The following TMPRSS9 variants were observed in gnomAD, a reference collection of about 807,000 sequenced individuals.
TMPRSS9 encodes the protein transmembrane serine protease 9.
Under a neutral mutation model 111.4 loss-of-function variants are expected in TMPRSS9, and 113 were observed. The observed-to-expected ratio is 1.01, with a 90% CI of 0.87 to 1.19. The LOEUF is 1.19. TMPRSS9 is among the 50% of genes most tolerant of loss of function. The probability of loss-of-function intolerance (pLI) is 0.00; values close to 1 mark genes in which losing one functional copy is unlikely to be tolerated. For missense variants in TMPRSS9, 1,803 were observed against 1,513.1 expected (o/e 1.19, Z -3.18); for synonymous variants, 805 against 659.1 (o/e 1.22, Z -3.39).
intron 14 of TMPRSS9, among the ~76,000 whole-genome samples, 154 bp from the exon 16 acceptor site, chr19:2,423,935 T>C (rs1216852856): frequency 6.6e-6 from 1 of 152,176 alleles, no homozygotes; most frequent in South Asian, 2.1e-4. Flanking sequence ...GCAGGCCCAG[T>C]GTCCTTTCCT....
chr19:2,426,194 G>A (rs997900512), exon 18 of TMPRSS9: 5 of 1,407,028 alleles, frequency 3.6e-6, no homozygotes, highest in Non-Finnish European at 4.8e-6. Flanking sequence ...GGTGTGGGGG[G>A]GCTGTGGGTC....
exon 2 of TMPRSS9, chr19:2,396,608 G>A: frequency 6.2e-7 from 1 of 1,607,122 alleles, no homozygotes. Context: ...TGGACCAGCA[G>A]TTTGCGGCGG....
chr19:2,373,564 C>T lies in TMPRSS9; in HGVS notation c.-26+13204C>T, dbSNP rs143418818. 8.0e-3 allele frequency among the ~76,000 whole-genome samples: 1,202 copies of T among 150,138 alleles called. 4 individuals carry two copies. Among genetic ancestry groups the T allele is most frequent in the African/African-American group, 0.029 (1,140 of 39,762 alleles). On this transcript the variant is annotated intron_variant, in intron 1 of 17. Coordinates refer to the TMPRSS9 transcript ENST00000649857. Reference sequence around the variant, plus strand: ...ATTTTTAGTAGAGACGGGGTTTCGCCGTGTTGGCCAGGGTGGTCTCGAACT... The same window carrying T: ...ATTTTTAGTAGAGACGGGGTTTCGCTGTGTTGGCCAGGGTGGTCTCGAACT...
exon 1 of TMPRSS9, chr19:2,389,925 T>C (rs758007411): frequency 3.1e-6 from 5 of 1,606,054 alleles, no homozygotes; most frequent in Non-Finnish European, 4.3e-6. Flanking sequence ...GGAGTCCTTT[T>C]GGGTAAGTGG....
chr19:2,405,862 C>T (rs866495026), intron 7 of TMPRSS9, among the ~76,000 whole-genome samples: 11 of 149,418 alleles, frequency 7.4e-5, no homozygotes, highest in Middle Eastern at 3.4e-3. Flanking sequence ...CCCGCCACCA[C>T]GCCTGTTGTA....
intron 7 of TMPRSS9, among the ~76,000 whole-genome samples, chr19:2,407,498 GTCTGGGAGACAGAGCGAGA>G: frequency 6.6e-6 from 1 of 151,578 alleles, no homozygotes; most frequent in South Asian, 2.1e-4. Flanking sequence ...CTGCACTCCA[GTCTGGGAGACAGAGCGAGA>G]CTCTGTCTCA....
intron 13 of TMPRSS9, 125 bp from the exon 15 acceptor site, chr19:2,421,729 G>C (rs1599317820): frequency 1.9e-6 from 2 of 1,052,794 alleles, no homozygotes; most frequent in African/African-American, 1.6e-5. Context: ...CTCCAGACCC[G>C]CGCTGTGCCC....
Position 2,405,553 on chromosome 19 carries a change from C to T in TMPRSS9, c.842+8C>T, listed in dbSNP as rs1222595506. On this transcript the variant is annotated splice_region_variant and intron_variant, in intron 7 of 17. Transcript: ENST00000648592. ...TGCTCACTGCTTCAATGAGTAAGCC[C>T]CCATCCCAAAGCACCAAACCCGAAC... 1 of 1,541,642 alleles carries T rather than the reference C, an allele frequency of 6.5e-7. No homozygotes were observed. The highest frequency in any genetic ancestry group is 1.2e-5 in the South Asian group (1 of 81,776).
intron 8 of TMPRSS9, among the ~76,000 whole-genome samples, chr19:2,409,197 G>C (rs1306875230): frequency 6.8e-6 from 1 of 146,758 alleles, no homozygotes; most frequent in Non-Finnish European, 1.5e-5. Context: ...CTGGAGTGCA[G>C]TGGTGCGATC....
rs2145430022 is a variant in TMPRSS9, at chr19:2,425,438, T to C, written c.3065T>C (p.Ile1022Thr). The C allele has an allele frequency of 1.3e-6, 2 of 1,591,524 alleles. No individual in the cohort carries two copies. Among genetic ancestry groups the C allele is most frequent in the Non-Finnish European group, 1.7e-6 (2 of 1,174,514 alleles). The change falls in exon 17 of 18, where the codon ATC (isoleucine) becomes ACC (threonine). Residue 1022 changes from isoleucine to threonine, a missense_variant. Ile to Thr is a moderately conservative substitution (Grantham distance 89). Coordinates refer to ENST00000648592, the Ensembl canonical transcript of TMPRSS9. ...TGCCGCCGCTTCTACCCAGTGCAGA[T>C]CAGCAGCCGCATGCTGTGTGCCGGC...
intron 1 of TMPRSS9, among the ~76,000 whole-genome samples, chr19:2,365,970 A>G (rs1282391082): frequency 1.3e-5 from 2 of 150,924 alleles, no homozygotes. Context: ...TCTCAAAATA[A>G]ATAAATAAAT....
intron 5 of TMPRSS9, 88 bp downstream of exon 6, chr19:2,402,104 G>C: frequency 7.0e-7 from 1 of 1,433,406 alleles, no homozygotes; most frequent in Middle Eastern, 1.9e-4. Flanking sequence ...AGGAATCCCT[G>C]GAACGAGGCT....
upstream of TMPRSS9, among the ~76,000 whole-genome samples, chr19:2,389,374 CTTT>C (rs1165662530): frequency 2.8e-5 from 3 of 105,384 alleles, no homozygotes; most frequent in Admixed American, 1.1e-4. Flanking sequence ...CGCATCTGGT[CTTT>C]TTTTTTTTTT....
intron 1 of TMPRSS9, among the ~76,000 whole-genome samples, chr19:2,376,834 T>C (rs552189316): frequency 6.6e-6 from 1 of 152,254 alleles, no homozygotes; most frequent in South Asian, 2.1e-4. Flanking sequence ...CTTTCTGACC[T>C]TTGCTTGGTT....
At chr19:2,425,007 G>A in exon 16 of TMPRSS9, 1 of 1,529,982 alleles carries the variant, frequency 6.5e-7, no homozygotes. Context: ...CGCAGCTACG[G>A]GGACCCCAAG....
At chr19:2,415,782 C>A (rs777464336) in exon 11 of TMPRSS9, 2 of 1,608,974 alleles carry the variant, frequency 1.2e-6, no homozygotes, top group South Asian at 2.2e-5. Flanking sequence ...CCCGGCACTT[C>A]TGCGGAGCAA....
rs1422188268 is a variant in TMPRSS9 at position 2,398,766 on chromosome 19, A to G, written c.271-29A>G. The G allele has an allele frequency of 4.3e-6, 6 of 1,387,492 alleles. No individual in the cohort carries two copies. The South Asian group carries it at 7.3e-5, about 17-fold the overall frequency. The allele number at this position is 1,387,492 out of a possible 1,614,324, so 85.9% of individuals were successfully genotyped here. ...CCAGGGTGCCCATGCTGTGGGTCTC[A>G]ACATTTGATATTCTTGTTTCTATTG... is the stretch of plus-strand genomic sequence containing the variant. On this transcript the variant is annotated intron_variant, in intron 2 of 17. Transcript: ENST00000648592.
chr19:2,396,392 A>C, intron 1 of TMPRSS9, 147 bp from the exon 3 acceptor site: 1 of 934,176 alleles, frequency 1.1e-6, no homozygotes, highest in Non-Finnish European at 1.5e-6. Flanking sequence ...ATTCAGGGCT[A>C]TCACGGGGGC....
chr19:2,394,949 A>G (rs1420530552), intron 1 of TMPRSS9, among the ~76,000 whole-genome samples: 2 of 152,044 alleles, frequency 1.3e-5, no homozygotes, highest in Non-Finnish European at 2.9e-5. Flanking sequence ...TTTTTGCTGT[A>G]CTTTGTACTT....
Sources: allele counts gnomAD v4.1 joint callset (sites outside exome capture counted in the v4.1 genomes callset), GRCh38; gene constraint gnomAD v4.1.1; transcripts MANE v1.5; gene names NCBI Gene and HGNC (gene_info 2026-07-23, HGNC 2026-07-21).